The following DPF2 variants were observed in gnomAD, a reference collection of about 807,000 sequenced individuals.
DPF2 encodes the protein zinc finger protein ubi-d4.
Under a neutral mutation model 59.6 loss-of-function variants are expected in DPF2, and 10 were observed. The ratio of observed to expected loss-of-function variants is 0.17; its 90% CI spans 0.10 to 0.28. The LOEUF is 0.28. Among genes scored for constraint, DPF2 ranks in the 10% least tolerant of loss-of-function variants. The probability of loss-of-function intolerance (pLI) is 1.00; values close to 1 mark genes in which losing one functional copy is unlikely to be tolerated. For missense variants in DPF2, 315 were observed against 509.4 expected, an observed-to-expected ratio of 0.62 and a Z score of 3.67; for synonymous variants, 189 against 190.6, an observed-to-expected ratio of 0.99 and a Z score of 0.07.
chr11:65,334,046 T>A (rs1462272393), intron 1 of DPF2, 128 bp downstream of exon 1: 1 of 1,349,968 alleles, frequency 7.4e-7, no homozygotes, highest in Non-Finnish European at 1.0e-6. Flanking sequence ...CGACTCCTGG[T>A]GGGGAGGGCA....
chr11:65,334,535 A>G (rs1002271843), intron 1 of DPF2, among the ~76,000 whole-genome samples: 45 of 152,374 alleles, frequency 3.0e-4, no homozygotes, highest in African/African-American at 1.1e-3. Flanking sequence ...AGTAGCAGCC[A>G]TCAAAAACCT....
intron 1 of DPF2, among the ~76,000 whole-genome samples, chr11:65,336,804 A>G (rs1278183507): frequency 1.4e-4 from 17 of 122,610 alleles, no homozygotes; most frequent in South Asian, 7.9e-4. Context: ...AAAAAAAAAA[A>G]AAGAAGCCGG....
Position 65,353,197 on chromosome 11 carries a change from T to C in DPF2, c.*1438T>C, listed in dbSNP as rs960357972. 1 of 152,178 alleles carries C rather than the reference T, an allele frequency of 6.6e-6. No homozygotes were observed. The allele number at this position is 152,178 out of a possible 1,614,324, so 9.4% of individuals were successfully genotyped here. A position where few individuals can be genotyped will look rare whatever the true frequency, so the allele number is the denominator to read the frequency against. ...ATTCAAGTTTATAACAATTCTTTGT[T>C]ATAAAGAACAATGAAGCTGTTTTGA... On this transcript the variant is annotated 3_prime_UTR_variant, in exon 11 of 11. Coordinates refer to ENST00000528416, the MANE Select transcript of DPF2 (RefSeq NM_006268.5).
At chr11:65,337,884 A>C (rs1854253522) in intron 1 of DPF2, among the ~76,000 whole-genome samples, 1 of 151,750 alleles carries the variant, frequency 6.6e-6, no homozygotes, top group South Asian at 2.1e-4. Context: ...GGCTCACCGC[A>C]ACCTCCGCCT....
At chr11:65,347,628 T>C (rs1015042663) in intron 9 of DPF2, 4 of 152,092 alleles carry the variant, frequency 2.6e-5, no homozygotes, top group Middle Eastern at 3.4e-3. Flanking sequence ...ACCCACCATG[T>C]CTGGCCTTGT....
intron 7 of DPF2, 60 bp from the exon 8 acceptor site, chr11:65,345,870 A>G: frequency 6.2e-7 from 1 of 1,613,508 alleles, no homozygotes; most frequent in Non-Finnish European, 8.5e-7. Flanking sequence ...CACTCCTTGC[A>G]TGGGTGTTGA....
chr11:65,344,161 A>C, intron 6 of DPF2, 92 bp downstream of exon 6: 1 of 1,359,840 alleles, frequency 7.4e-7, no homozygotes, highest in South Asian at 1.2e-5. Context: ...TTTTGCCCAG[A>C]GTATTAAAAC....
intron 4 of DPF2, 24 bp from the exon 5 acceptor site, chr11:65,343,721 A>G (rs1188380669): frequency 1.9e-6 from 3 of 1,572,714 alleles, no homozygotes; most frequent in East Asian, 2.3e-5. Context: ...ATTTCTACCC[A>G]TGCTAACCCT....
rs371888353 is a variant in DPF2, at chr11:65,346,305, C to G, written c.963C>G (p.Arg321=). 1 of 1,614,104 alleles carries G rather than the reference C, an allele frequency of 6.2e-7. No individual in the cohort carries two copies. Among genetic ancestry groups the G allele is most frequent in the Non-Finnish European group, 8.5e-7 (1 of 1,180,040 alleles). The change falls in exon 9 of 11, where the codon CGC becomes CGG. Residue 321 remains arginine (R), a synonymous_variant. Coordinates refer to ENST00000528416, the MANE Select transcript of DPF2 (RefSeq NM_006268.5). ...TGATGGCGGCAGTGAAGACATACCGCTGGCAGTGCATCGAGTGCAAATGTT... is the reference window on the plus strand; with the variant it reads ...TGATGGCGGCAGTGAAGACATACCGGTGGCAGTGCATCGAGTGCAAATGTT... ...PVMMAAVKTY[R]WQCIECKCCN...
In DPF2 at chr11:65,346,083, G is replaced by GC. The variant is rs757092533; in HGVS notation, c.904+26dup. On this transcript the variant is annotated intron_variant, in intron 8 of 10. Coordinates refer to ENST00000528416, the MANE Select transcript of DPF2 (RefSeq NM_006268.5). ...GGTACTGCTTCCCGTGAAGGCTGCT[G>GC]CTTTGCCCAGTCCCCAAGGGGCTCT... 1.1e-3 allele frequency: 1,791 copies of GC among 1,613,728 alleles called. 2 individuals carry two copies. Among genetic ancestry groups the GC allele is most frequent in the Middle Eastern group, 1.3e-3 (8 of 6,058 alleles).
Position 65,346,500 on chromosome 11 carries a change from G to T in DPF2, c.1017+141G>T. The T allele has an allele frequency of 4.4e-6, 3 of 678,790 alleles. No individual in the cohort carries two copies. In the South Asian group the frequency reaches 5.7e-5, roughly 13 times the overall value. The allele number at this position is 678,790 out of a possible 1,614,324, so 42.0% of individuals were successfully genotyped here. On this transcript the variant is annotated intron_variant, in intron 9 of 10. Coordinates refer to ENST00000528416, the MANE Select transcript of DPF2 (RefSeq NM_006268.5). ...CCACACGCCCCTCCCTAGCATCTCA[G>T]TCAGAACTCTGATTTGTTGCCAGAT...
At chr11:65,347,314 A>C (rs1346994184) in intron 9 of DPF2, 2 of 151,028 alleles carry the variant, frequency 1.3e-5, no homozygotes, top group African/African-American at 4.9e-5. Context: ...GCACCCAGCT[A>C]TTTATTTATT....
chr11:65,337,406 T>G (rs1212835750), intron 1 of DPF2, among the ~76,000 whole-genome samples: 1 of 137,632 alleles, frequency 7.3e-6, no homozygotes, highest in East Asian at 2.1e-4. Flanking sequence ...TGAGCCGAGA[T>G]TGCACCACTG....
intron 9 of DPF2, 104 bp downstream of exon 9, chr11:65,346,463 C>A: frequency 9.8e-7 from 1 of 1,018,202 alleles, no homozygotes; most frequent in Non-Finnish European, 1.4e-6. Context: ...GGAGCAGGAT[C>A]CCTCCCACAT....
rs770311911 is a variant in DPF2, at chr11:65,341,019, C to A, written c.247C>A (p.Arg83=). ...CCCTGCCCGGCGCTGGCGGAAAAAGCGGCGAGCCCATCCCCCTGAGGATCC... is the reference window on the plus strand; with the variant it reads ...CCCTGCCCGGCGCTGGCGGAAAAAGAGGCGAGCCCATCCCCCTGAGGATCC... The part of the protein sequence containing the change: ...SYPARRWRKK[R]RAHPPEDPRL... Residue 83 remains arginine (R), a synonymous_variant, in exon 3 of 11, where the codon CGG becomes AGG. Coordinates refer to ENST00000528416, the MANE Select transcript of DPF2 (RefSeq NM_006268.5). 1.9e-6 allele frequency: 3 copies of A among 1,614,116 alleles called. No individual in the cohort carries two copies. Among genetic ancestry groups the A allele is most frequent in the Non-Finnish European group, 2.5e-6 (3 of 1,180,040 alleles).
At chr11:65,344,363 C>A in intron 6 of DPF2, 1 of 616,916 alleles carries the variant, frequency 1.6e-6, no homozygotes, top group Non-Finnish European at 2.8e-6. Flanking sequence ...GGTCTCCTGG[C>A]CTCAGTTAAG....
chr11:65,345,378 T>C (rs939028580), intron 6 of DPF2: 7 of 424,056 alleles, frequency 1.7e-5, no homozygotes, highest in Admixed American at 7.0e-5. Flanking sequence ...AGCAACTAAC[T>C]GGTGATGGGG....
intron 9 of DPF2, 98 bp downstream of exon 9, chr11:65,346,457 CAGGA>C: frequency 7.3e-6 from 8 of 1,094,524 alleles, no homozygotes; most frequent in Non-Finnish European, 9.2e-6. Context: ...AAAAAGGGAG[CAGGA>C]TCCCTCCCAC....
chr11:65,348,227 G>C (rs1265435600), intron 9 of DPF2: 1 of 152,040 alleles, frequency 6.6e-6, no homozygotes, highest in Non-Finnish European at 1.5e-5. Context: ...TGAGGCTGCA[G>C]TGAGCCATGA....
Sources: gnomAD v4.1 joint callset for allele counts (sites outside exome capture counted in the v4.1 genomes callset) on GRCh38, gnomAD v4.1.1 for gene constraint, MANE v1.5 for transcripts, NCBI Gene and HGNC (gene_info 2026-07-23, HGNC 2026-07-21) for gene names.